The following COL25A1 variants were observed in gnomAD, a reference collection of about 807,000 sequenced individuals.
The protein encoded by COL25A1 is collagen type XXV alpha 1 chain, also known as collagen alpha-1(XXV) chain.
COL25A1 carries 103 observed loss-of-function variants against 128.4 expected under a neutral mutation model. The observed-to-expected ratio is 0.80, with a 90% confidence interval of 0.68 to 0.94. COL25A1 has a LOEUF of 0.94. COL25A1 is among the 40% of genes least tolerant of loss of function. The pLI, the probability that COL25A1 is intolerant of heterozygous loss-of-function variation, is 0.00. For synonymous variants in COL25A1, 279 were observed against 277.2 expected (o/e 1.01, Z -0.06); for missense variants, 745 against 840.0 (o/e 0.89, Z 1.40).
chr4:108,824,487 T>C (rs1165519269), intron 34 of COL25A1, among the ~76,000 whole-genome samples: 1 of 152,248 alleles, frequency 6.6e-6, no homozygotes, highest in Non-Finnish European at 1.5e-5. Context: ...GTTTGAATTC[T>C]GGCAAGTTCA....
chr4:109,074,732 T>C (rs1315755937), intron 3 of COL25A1, among the ~76,000 whole-genome samples: 1 of 152,170 alleles, frequency 6.6e-6, no homozygotes, highest in Non-Finnish European at 1.5e-5. Flanking sequence ...AGTGCCACCA[T>C]TTAGGCATTC....
intron 5 of COL25A1, among the ~76,000 whole-genome samples, chr4:109,022,578 T>C (rs1039515095): frequency 2.0e-5 from 3 of 152,170 alleles, no homozygotes; most frequent in African/African-American, 2.4e-5. Flanking sequence ...CAAATGTTTA[T>C]AGCAAGACAT....
chr4:109,099,454 A>G (rs182266821), intron 3 of COL25A1, among the ~76,000 whole-genome samples: 66 of 152,250 alleles, frequency 4.3e-4, no homozygotes, highest in Admixed American at 8.5e-4. Context: ...GTTCTGTTTA[A>G]CTTCCATGAA....
chr4:109,057,926 C>T (rs1471640617), intron 3 of COL25A1, among the ~76,000 whole-genome samples: 1 of 152,092 alleles, frequency 6.6e-6, no homozygotes, highest in Non-Finnish European at 1.5e-5. Flanking sequence ...CTCACAAGGA[C>T]ATACTGGAAA....
At chr4:108,915,636 C>A (rs1259409716) in intron 13 of COL25A1, among the ~76,000 whole-genome samples, 2 of 151,976 alleles carry the variant, frequency 1.3e-5, no homozygotes, top group African/African-American at 4.8e-5. Flanking sequence ...CACTATGGTG[C>A]CCAAGCTGGA....
At chr4:108,944,972 T>G (rs1748553182) in intron 8 of COL25A1, among the ~76,000 whole-genome samples, 1 of 152,146 alleles carries the variant, frequency 6.6e-6, no homozygotes, top group Admixed American at 6.5e-5. Flanking sequence ...AAAGGGGACA[T>G]GTGGACAGAG....
At chr4:109,061,067 T>C (rs1761924265) in intron 3 of COL25A1, among the ~76,000 whole-genome samples, 1 of 152,170 alleles carries the variant, frequency 6.6e-6, no homozygotes, top group Admixed American at 6.5e-5. Context: ...TACTTACACA[T>C]TGGTCCAACA....
At position 109,173,915 on chromosome 4, in the gene COL25A1, T is replaced by C. The variant is rs139242158; in HGVS notation, c.368-123736A>G. Among the ~76,000 whole-genome samples, 256 of 152,286 alleles carry C rather than the reference T, an allele frequency of 1.7e-3. 3 individuals are homozygous for C. Among genetic ancestry groups the C allele is most frequent in the African/African-American group, 5.7e-3 (236 of 41,564 alleles). Reference sequence around the variant, plus strand: ...TTCAAAACTCCAAAATCTGAAATACTCCAATGAGTATTTCCTTTGAGCATC... The same window carrying C: ...TTCAAAACTCCAAAATCTGAAATACCCCAATGAGTATTTCCTTTGAGCATC... On this transcript the variant is annotated intron_variant, in intron 3 of 37. Transcript: ENST00000399132.
intron 3 of COL25A1, among the ~76,000 whole-genome samples, chr4:109,245,411 C>T (rs922958762): frequency 2.6e-5 from 4 of 151,862 alleles, no homozygotes; most frequent in African/African-American, 9.7e-5. Context: ...CCGGAGAAGT[C>T]GGCAATGGTG....
chr4:109,195,986 G>A (rs1301287122), intron 3 of COL25A1, among the ~76,000 whole-genome samples: 1 of 152,204 alleles, frequency 6.6e-6, no homozygotes, highest in East Asian at 1.9e-4. Context: ...AGAGCCCTGT[G>A]TTACCCTTTG....
chr4:109,239,821 T>G (rs1454936216), intron 3 of COL25A1, among the ~76,000 whole-genome samples: 2 of 152,136 alleles, frequency 1.3e-5, no homozygotes, highest in Non-Finnish European at 2.9e-5. Flanking sequence ...TTGTAATAAA[T>G]CTTAGCTTAT....
chr4:109,059,898 A>G (rs946173183), intron 3 of COL25A1, among the ~76,000 whole-genome samples: 1 of 152,188 alleles, frequency 6.6e-6, no homozygotes, highest in Non-Finnish European at 1.5e-5. Flanking sequence ...TAACAGTAAC[A>G]CTTCTGTAGT....
chr4:109,243,760 T>C (rs1170589784), intron 3 of COL25A1, among the ~76,000 whole-genome samples: 1 of 152,034 alleles, frequency 6.6e-6, no homozygotes, highest in African/African-American at 2.4e-5. Flanking sequence ...TGGAATGAAA[T>C]AGCCACTTTG....
chr4:109,301,770 G>T lies in COL25A1; in HGVS notation c.250C>A (p.His84Asn). The T allele has an allele frequency of 6.2e-7, 1 of 1,614,238 alleles. No homozygotes were observed. Residue 84 changes from histidine (H) to asparagine (N), a missense_variant, in exon 2 of 38, where the codon CAC becomes AAC. Transcript: ENST00000399132. ...TTCTCTTGCACCATAGTCTTGAGGT[G>T]ATCCAGGGTATCAGGCAGCAGATGA... ...SIHLLPDTLD[H>N]LKTMVQEKVE...
intron 5 of COL25A1, among the ~76,000 whole-genome samples, chr4:109,015,159 G>A (rs1305493917): frequency 6.6e-6 from 1 of 152,206 alleles, no homozygotes; most frequent in Non-Finnish European, 1.5e-5. Context: ...AGAGCGTGTG[G>A]TGATAGAGAC....
chr4:108,842,332 T>C (rs1308691225), intron 30 of COL25A1, among the ~76,000 whole-genome samples: 1 of 152,198 alleles, frequency 6.6e-6, no homozygotes, highest in Non-Finnish European at 1.5e-5. Flanking sequence ...AACAAATTCC[T>C]CAAAGCTCTT....
At chr4:109,283,600 G>A (rs983977264) in intron 3 of COL25A1, among the ~76,000 whole-genome samples, 1 of 152,094 alleles carries the variant, frequency 6.6e-6, no homozygotes, top group African/African-American at 2.4e-5. Flanking sequence ...TTTTAGGTAG[G>A]TCTTACAATC....
At chr4:108,958,917 C>G (rs566077502) in intron 8 of COL25A1, among the ~76,000 whole-genome samples, 1 of 151,844 alleles carries the variant, frequency 6.6e-6, no homozygotes, top group Non-Finnish European at 1.5e-5. Flanking sequence ...AAAAATAATT[C>G]GATAAATTTT....
chr4:109,289,181 TTAA>T (rs1724217871), intron 3 of COL25A1, among the ~76,000 whole-genome samples: 1 of 152,046 alleles, frequency 6.6e-6, no homozygotes, highest in African/African-American at 2.4e-5. Context: ...TTGTAGATAA[TTAA>T]TAGAAAAACA....
Sources: allele counts gnomAD v4.1 joint callset (sites outside exome capture counted in the v4.1 genomes callset), GRCh38; gene constraint gnomAD v4.1.1; transcripts MANE v1.5; gene names NCBI Gene and HGNC (gene_info 2026-07-23, HGNC 2026-07-21).